MICAL3: variants seen among roughly 807,000 people sequenced by gnomAD.
The protein encoded by MICAL3 is [F-actin]-monooxygenase MICAL3.
MICAL3 carries 62 observed loss-of-function variants against 207.4 expected under a neutral mutation model. The observed-to-expected ratio is 0.30, with a 90% CI of 0.24 to 0.37. The LOEUF (loss-of-function observed/expected upper bound fraction) is 0.37, where lower values mean the gene tolerates loss of function less well. Among genes scored for constraint, MICAL3 ranks in the 10% least tolerant of loss-of-function variants. MICAL3 has a pLI of 1.00. For missense variants in MICAL3, 2,368 were observed against 2,635.6 expected (o/e 0.90, Z 2.22); for synonymous variants, 1,077 against 1,069.3 (o/e 1.01, Z -0.14).
chr22:17,826,639 C>A, intron 22 of MICAL3: 1 of 305,978 alleles, frequency 3.3e-6, no homozygotes, highest in Non-Finnish European at 4.8e-6. Context: ...AGGACAGACG[C>A]CTGTCTGGCA....
At chr22:17,884,369 C>A in intron 16 of MICAL3, 1 of 1,586,008 alleles carries the variant, frequency 6.3e-7, no homozygotes, top group Non-Finnish European at 8.6e-7. Flanking sequence ...CTGGGACACA[C>A]AGGCCAAGTG....
intron 1 of MICAL3, among the ~76,000 whole-genome samples, chr22:17,956,815 C>T (rs1934636983): frequency 6.6e-6 from 1 of 152,172 alleles, no homozygotes; most frequent in African/African-American, 2.4e-5. Context: ...AGAGACACTA[C>T]AGAGACGAAG....
chr22:17,943,946 T>C (rs1282390655), intron 1 of MICAL3, among the ~76,000 whole-genome samples: 1 of 152,094 alleles, frequency 6.6e-6, no homozygotes, highest in Non-Finnish European at 1.5e-5. Context: ...CAAAAACCTT[T>C]CTATGGAAAA....
At chr22:17,833,398 C>T (rs948118544) in intron 20 of MICAL3, among the ~76,000 whole-genome samples, 2 of 152,216 alleles carry the variant, frequency 1.3e-5, no homozygotes, top group African/African-American at 4.8e-5. Context: ...GCATCAGGCA[C>T]GAGAGGGCAT....
At chr22:17,884,840 T>C (rs550852269) in intron 16 of MICAL3, among the ~76,000 whole-genome samples, 17 of 152,258 alleles carry the variant, frequency 1.1e-4, no homozygotes, top group South Asian at 6.2e-4. Context: ...ATGAAAAGAC[T>C]GGCGTGCAAA....
chr22:17,945,399 C>T (rs1381928112), intron 1 of MICAL3, among the ~76,000 whole-genome samples: 3 of 152,294 alleles, frequency 2.0e-5, no homozygotes, highest in South Asian at 4.1e-4. Flanking sequence ...CCTGCACACG[C>T]GCTGCCAACA....
chr22:17,915,106 C>CAA (rs35571677), intron 1 of MICAL3, among the ~76,000 whole-genome samples: 10 of 151,628 alleles, frequency 6.6e-5, no homozygotes, highest in Non-Finnish European at 1.5e-4. Context: ...AGGAGAATCC[C>CAA]AAAAAAAAGC....
At chr22:17,860,664 T>C (rs1926422583) in intron 19 of MICAL3, 3 of 985,456 alleles carry the variant, frequency 3.0e-6, no homozygotes, top group South Asian at 9.4e-5. Flanking sequence ...AGGAGACATG[T>C]GAGGCGGGTG....
chr22:17,925,014 G>A (rs1057442055), intron 1 of MICAL3, among the ~76,000 whole-genome samples: 8 of 152,260 alleles, frequency 5.3e-5, no homozygotes, highest in South Asian at 2.1e-4. Flanking sequence ...AAATAGCAAC[G>A]GGGGGAAAGA....
chr22:17,849,688 ATTTTT>A (rs57344653), intron 19 of MICAL3, among the ~76,000 whole-genome samples: 6 of 36,280 alleles, frequency 1.7e-4, no homozygotes, highest in African/African-American at 3.4e-4. Context: ...GTGTGTGTGT[ATTTTT>A]TTTTTTTTTT....
chr22:17,908,696 G>A (rs893635040), intron 1 of MICAL3, among the ~76,000 whole-genome samples: 1 of 152,200 alleles, frequency 6.6e-6, no homozygotes, highest in African/African-American at 2.4e-5. Context: ...GCCCAGCACA[G>A]GCACATCACC....
Position 17,789,402 on chromosome 22 carries a change from G to A in MICAL3, c.*1330C>T, listed in dbSNP as rs2061808714. On this transcript the variant is annotated 3_prime_UTR_variant, in exon 32 of 32. Coordinates refer to ENST00000441493, the MANE Select transcript of MICAL3 (RefSeq NM_015241.3). ...TAACATATGTGCGGAGGAAGGTGAT[G>A]CCCTGGCCCCCAAACTGAGACAAGG... The A allele has an allele frequency of 6.6e-6, 1 of 152,278 alleles. No individual in the cohort carries two copies. Among genetic ancestry groups the A allele is most frequent in the South Asian group, 2.1e-4 (1 of 4,834 alleles). 9.4% of individuals were successfully genotyped at this position (152,278 alleles called of 1,614,324 possible).
intron 7 of MICAL3, among the ~76,000 whole-genome samples, chr22:17,897,482 T>C (rs1045268988): frequency 2.1e-5 from 3 of 140,712 alleles, no homozygotes; most frequent in Non-Finnish European, 4.6e-5. Flanking sequence ...CGAGAGAACA[T>C]AGACCTTGCT....
At chr22:17,827,805 G>A (rs1232160662) in intron 21 of MICAL3, 24 bp from the exon 22 acceptor site, 3 of 1,528,228 alleles carry the variant, frequency 2.0e-6, no homozygotes. Flanking sequence ...GTCAAGGGGT[G>A]GAGAAATGAG....
intron 1 of MICAL3, among the ~76,000 whole-genome samples, chr22:17,950,856 A>G (rs1934315266): frequency 6.6e-6 from 1 of 152,232 alleles, no homozygotes; most frequent in Admixed American, 6.5e-5. Flanking sequence ...AAAGACTCAG[A>G]GGCTAAAGCC....
chr22:17,951,175 T>C (rs1444577297), intron 1 of MICAL3, among the ~76,000 whole-genome samples: 5 of 152,266 alleles, frequency 3.3e-5, no homozygotes, highest in East Asian at 1.9e-4. Flanking sequence ...ATGCCCAGAC[T>C]GTAAGGAAAG....
At chr22:17,821,872 G>T (rs573798761) in intron 24 of MICAL3, among the ~76,000 whole-genome samples, 158 bp downstream of exon 24, 2 of 152,376 alleles carry the variant, frequency 1.3e-5, no homozygotes, top group South Asian at 2.1e-4. Flanking sequence ...CACAGGGAGG[G>T]TGGACAGAGG....
intron 13 of MICAL3, among the ~76,000 whole-genome samples, 189 bp downstream of exon 13, chr22:17,888,845 G>C (rs928978813): frequency 2.0e-5 from 3 of 152,194 alleles, no homozygotes; most frequent in African/African-American, 7.2e-5. Flanking sequence ...GAGGGGTTGA[G>C]AACACACTAC....
chr22:17,866,140 C>T (rs1201358628), intron 17 of MICAL3, 128 bp from the exon 18 acceptor site: 10 of 706,392 alleles, frequency 1.4e-5, no homozygotes, highest in African/African-American at 3.5e-5. Flanking sequence ...CCCAGCCTTC[C>T]CTGGGCCCAG....
Sources: allele counts gnomAD v4.1 joint callset (sites outside exome capture counted in the v4.1 genomes callset), GRCh38; gene constraint gnomAD v4.1.1; transcripts MANE v1.5; gene names NCBI Gene and HGNC (gene_info 2026-07-23, HGNC 2026-07-21).